The following CEP128 variants were observed in gnomAD, a reference collection of about 807,000 sequenced individuals.
CEP128 encodes the protein centrosomal protein 128kDa.
Under a neutral mutation model 156.7 loss-of-function variants are expected in CEP128, and 132 were observed. That is an observed-to-expected ratio of 0.84 (90% CI 0.73 to 0.97). CEP128 has a LOEUF of 0.97. Ranked by LOEUF, CEP128 falls within the 50% of genes least tolerant of loss-of-function variation. CEP128 has a pLI of 0.00. For synonymous variants in CEP128, 469 were observed against 448.9 expected, an observed-to-expected ratio of 1.04 and a Z score of -0.57; for missense variants, 1,252 against 1,281.9, an observed-to-expected ratio of 0.98 and a Z score of 0.36.
At chr14:80,811,989 T>G (rs1213699882) in intron 13 of CEP128, among the ~76,000 whole-genome samples, 2 of 152,214 alleles carry the variant, frequency 1.3e-5, no homozygotes, top group Non-Finnish European at 1.5e-5. Context: ...GTAAATTGCA[T>G]GTCATGGGGA....
chr14:80,662,807 CT>C (rs1409290708), intron 19 of CEP128, among the ~76,000 whole-genome samples: 4 of 152,122 alleles, frequency 2.6e-5, no homozygotes, highest in Non-Finnish European at 1.5e-5. Flanking sequence ...AGTACCAGCA[CT>C]TTACAATAGA....
At chr14:80,853,514 A>AT (rs1304468251) in intron 9 of CEP128, among the ~76,000 whole-genome samples, 3 of 116,492 alleles carry the variant, frequency 2.6e-5, no homozygotes, top group East Asian at 4.5e-4. Flanking sequence ...TAGAGATGCA[A>AT]TTTTAAAAAA....
chr14:80,730,386 T>TTGGG (rs1898219086), intron 19 of CEP128, among the ~76,000 whole-genome samples: 1 of 152,190 alleles, frequency 6.6e-6, no homozygotes, highest in Admixed American at 6.5e-5. Flanking sequence ...TTAACTTATA[T>TTGGG]TGGGTCATTC....
At chr14:80,620,877 C>G (rs1196891388) in intron 19 of CEP128, among the ~76,000 whole-genome samples, 1 of 152,128 alleles carries the variant, frequency 6.6e-6, no homozygotes, top group African/African-American at 2.4e-5. Context: ...AATGTACATA[C>G]AAATAGCATG....
At chr14:80,892,888 G>C (rs1201318380) in intron 8 of CEP128, among the ~76,000 whole-genome samples, 2 of 151,716 alleles carry the variant, frequency 1.3e-5, no homozygotes, top group African/African-American at 2.4e-5. Flanking sequence ...ATTTTAAAAA[G>C]TCAAAAAATA....
intron 13 of CEP128, among the ~76,000 whole-genome samples, chr14:80,809,860 T>G (rs1040172135): frequency 6.6e-6 from 1 of 151,464 alleles, no homozygotes; most frequent in South Asian, 2.1e-4. Context: ...GTCTTAAACC[T>G]GAAAGTGAAA....
intron 8 of CEP128, among the ~76,000 whole-genome samples, chr14:80,883,519 T>C (rs1404398945): frequency 6.6e-6 from 1 of 152,042 alleles, no homozygotes; most frequent in East Asian, 1.9e-4. Context: ...ATTAAATACT[T>C]AGGAATTAAC....
chr14:80,857,894 G>C (rs1468560528), intron 9 of CEP128, among the ~76,000 whole-genome samples: 1 of 152,100 alleles, frequency 6.6e-6, no homozygotes, highest in Middle Eastern at 3.2e-3. Flanking sequence ...AGACTTCCAT[G>C]AGATAACCAA....
At chr14:80,857,738 AAAAAACAACAACAAC>A (rs1395561351) in intron 9 of CEP128, among the ~76,000 whole-genome samples, 2 of 138,246 alleles carry the variant, frequency 1.4e-5, no homozygotes. Context: ...CCATCTCAAA[AAAAAACAACAACAAC>A]AACAACAACA....
intron 13 of CEP128, chr14:80,822,568 C>T: frequency 2.9e-6 from 2 of 696,158 alleles, no homozygotes; most frequent in Admixed American, 3.5e-5. Context: ...GAGATAAAGC[C>T]AAGGTGAAGG....
intron 21 of CEP128, among the ~76,000 whole-genome samples, chr14:80,534,817 T>C (rs1178389657): frequency 1.9e-5 from 2 of 107,580 alleles, no homozygotes; most frequent in Non-Finnish European, 3.5e-5. Context: ...AGAGCAAGAT[T>C]CCGTCTCAAA....
intron 16 of CEP128, among the ~76,000 whole-genome samples, chr14:80,765,137 G>T (rs959739957): frequency 6.6e-6 from 1 of 152,128 alleles, no homozygotes; most frequent in Admixed American, 6.5e-5. Context: ...TAGAGTAAAC[G>T]ACACAGACAG....
At chr14:80,635,961 T>G (rs768213265) in intron 19 of CEP128, among the ~76,000 whole-genome samples, 1 of 152,228 alleles carries the variant, frequency 6.6e-6, no homozygotes, top group Admixed American at 6.5e-5. Flanking sequence ...AATTTTGTGT[T>G]TAGATTTGGG....
At chr14:80,867,259 T>C (rs1425083563) in intron 8 of CEP128, among the ~76,000 whole-genome samples, 2 of 152,170 alleles carry the variant, frequency 1.3e-5, no homozygotes, top group African/African-American at 4.8e-5. Flanking sequence ...GTCTATGGCA[T>C]GGATATAATG....
chr14:80,622,975 C>T (rs1222691319), intron 19 of CEP128, among the ~76,000 whole-genome samples: 1 of 151,972 alleles, frequency 6.6e-6, no homozygotes, highest in South Asian at 2.1e-4. Flanking sequence ...ACCCAAAGGA[C>T]TATAAATCAT....
At chr14:80,676,997 T>C (rs1896089211) in intron 19 of CEP128, among the ~76,000 whole-genome samples, 1 of 152,088 alleles carries the variant, frequency 6.6e-6, no homozygotes, top group Admixed American at 6.6e-5. Context: ...CAGAATTATA[T>C]TGGCCTCACA....
chr14:80,792,739 T>C (rs749091171), intron 14 of CEP128, 21 bp downstream of exon 14: 1 of 1,596,568 alleles, frequency 6.3e-7, no homozygotes, highest in Non-Finnish European at 8.6e-7. Context: ...AAACCGTTCC[T>C]TAGGAATGTG....
At chr14:80,503,277 T>G (rs1030472951) in intron 24 of CEP128, among the ~76,000 whole-genome samples, 6 of 152,196 alleles carry the variant, frequency 3.9e-5, no homozygotes, top group Non-Finnish European at 5.9e-5. Flanking sequence ...TTTTCCTATT[T>G]AACTTTATTT....
At chr14:80,755,121 G>A (rs901759710) in intron 18 of CEP128, among the ~76,000 whole-genome samples, 17 of 152,096 alleles carry the variant, frequency 1.1e-4, no homozygotes, top group Admixed American at 8.5e-4. Context: ...GAAATATAAG[G>A]AGGCAGAAAA....
Sources: gnomAD v4.1 joint callset for allele counts (sites outside exome capture counted in the v4.1 genomes callset) on GRCh38, gnomAD v4.1.1 for gene constraint, MANE v1.5 for transcripts, NCBI Gene and HGNC (gene_info 2026-07-23, HGNC 2026-07-21) for gene names.